MGAT3: variants seen among roughly 807,000 people sequenced by gnomAD.
The protein encoded by MGAT3 is beta-1,4-mannosyl-glycoprotein 4-beta-N-acetylglucosaminyltransferase.
MGAT3 carries 9 observed loss-of-function variants against 29.8 expected under a neutral mutation model. The ratio of observed to expected loss-of-function variants is 0.30; its 90% CI spans 0.18 to 0.53. The LOEUF (loss-of-function observed/expected upper bound fraction) is 0.53, where lower values mean the gene tolerates loss of function less well. Ranked by LOEUF, MGAT3 falls within the 20% of genes least tolerant of loss-of-function variation. MGAT3 has a pLI of 0.96. For synonymous variants in MGAT3, 397 were observed against 348.9 expected (o/e 1.14, Z -1.54); for missense variants, 557 against 769.5 (o/e 0.72, Z 3.27).
Position 39,487,177 on chromosome 22 carries a change from C to A in MGAT3, c.-1-170C>A, listed in dbSNP as rs934591059. 3 of 219,962 alleles carry A rather than the reference C, an allele frequency of 1.4e-5. No homozygotes were observed. Among genetic ancestry groups the A allele is most frequent in the South Asian group, 1.6e-4 (1 of 6,194 alleles). The allele number at this position is 219,962 out of a possible 1,614,324, so 13.6% of individuals were successfully genotyped here. On this transcript the variant is annotated intron_variant, in intron 1 of 1. Coordinates refer to ENST00000341184, the MANE Select transcript of MGAT3 (RefSeq NM_002409.5). The surrounding 1 kb of genome is among the most constrained non-coding windows in gnomAD (Gnocchi z 5.7). ...CCTCAGTGCTGGGGCTTTCAGGGGC[C>A]TTGGTACCGCGAGTTGACTCTTGGG...
intron 1 of MGAT3, among the ~76,000 whole-genome samples, chr22:39,469,109 T>G (rs1305003791): frequency 1.2e-5 from 1 of 82,898 alleles, no homozygotes; most frequent in Non-Finnish European, 2.3e-5. Flanking sequence ...CTGACTGCCT[T>G]GGTGGTGTGG....
At position 39,487,164 on chromosome 22, in the gene MGAT3, G is replaced by A. The variant is rs1655974692; in HGVS notation, c.-1-183G>A. Reference sequence around the variant, plus strand: ...AGCACGGCGGTGTCCTCAGTGCTGGGGCTTTCAGGGGCCTTGGTACCGCGA... The same window carrying A: ...AGCACGGCGGTGTCCTCAGTGCTGGAGCTTTCAGGGGCCTTGGTACCGCGA... On this transcript the variant is annotated intron_variant, in intron 1 of 1. Transcript: ENST00000341184. The surrounding 1 kb of genome is among the most constrained non-coding windows in gnomAD (Gnocchi z 5.7). 1 of 187,146 alleles carries A rather than the reference G, an allele frequency of 5.3e-6. No individual in the cohort carries two copies. The highest frequency in any genetic ancestry group is 2.4e-5 in the African/African-American group (1 of 41,964). 11.6% of individuals were successfully genotyped at this position (187,146 alleles called of 1,614,324 possible). A position where few individuals can be genotyped will look rare whatever the true frequency, so the allele number is the denominator to read the frequency against.
At chr22:39,471,739 A>C (rs1016750511) in intron 1 of MGAT3, among the ~76,000 whole-genome samples, 20 of 152,208 alleles carry the variant, frequency 1.3e-4, no homozygotes, top group Middle Eastern at 3.4e-3. Flanking sequence ...AATCTGACAC[A>C]CAGAGACACG....
chr22:39,485,600 A>G (rs1929249503), intron 1 of MGAT3, among the ~76,000 whole-genome samples: 1 of 152,142 alleles, frequency 6.6e-6, no homozygotes, highest in East Asian at 1.9e-4. Context: ...AGACCTGCCT[A>G]GCCAACATGG....
chr22:39,491,547 TAGG>T lies in MGAT3; in HGVS notation c.*2601_*2603del. ...CAGCTCAGGGCTAAGCGAAGGAAGA[TAGG>T]AGCAGCTCAGAGCTGCCAGGCTCTG... On this transcript the variant is annotated 3_prime_UTR_variant, in exon 2 of 2. Transcript: ENST00000341184. This position sits in a 1 kb window ranked among gnomAD's most constrained non-coding sequence, Gnocchi z 5.5. 1 of 166,332 alleles carries T rather than the reference TAGG, an allele frequency of 6.0e-6. No individual in the cohort carries two copies. 10.3% of individuals were successfully genotyped at this position (166,332 alleles called of 1,614,324 possible). A position where few individuals can be genotyped will look rare whatever the true frequency, so the allele number is the denominator to read the frequency against.
At chr22:39,481,881 G>C (rs868088687) in intron 1 of MGAT3, among the ~76,000 whole-genome samples, 1 of 152,190 alleles carries the variant, frequency 6.6e-6, no homozygotes, top group Admixed American at 6.5e-5. Context: ...TGTGTAACAA[G>C]CTTAGGACAG....
rs1396542295 is a variant in MGAT3 at position 39,490,130 on chromosome 22, GA to G, written c.*1182del. 1 of 167,166 alleles carries G rather than the reference GA, an allele frequency of 6.0e-6. No homozygotes were observed. The highest frequency in any genetic ancestry group is 1.5e-5 in the Non-Finnish European group (1 of 68,140). 10.4% of individuals were successfully genotyped at this position (167,166 alleles called of 1,614,324 possible). A position where few individuals can be genotyped will look rare whatever the true frequency, so the allele number is the denominator to read the frequency against. On this transcript the variant is annotated 3_prime_UTR_variant, in exon 2 of 2. Transcript: ENST00000341184. ...CTTGTTTCTAATTAGTCTAGATTGA[GA>G]TGGCCCAGAGCTGGTAGGGCAGCTC... is the stretch of plus-strand genomic sequence containing the variant.
In MGAT3 at chr22:39,457,709, G is replaced by C. The variant is rs1163288389; in HGVS notation, c.-2+152G>C. ...GGCGGGCGCGGGCGCACTGGGGCTG[G>C]GGGCCCGGAGGCCGCGGTGGGGGCG... On this transcript the variant is annotated intron_variant, in intron 1 of 1. Transcript: ENST00000341184. This position sits in a 1 kb window ranked among gnomAD's most constrained non-coding sequence, Gnocchi z 6.8. Among the ~76,000 whole-genome samples, 4 of 150,488 alleles carry C rather than the reference G, an allele frequency of 2.7e-5. No individual in the cohort carries two copies. Among genetic ancestry groups the C allele is most frequent in the Non-Finnish European group, 5.9e-5 (4 of 67,346 alleles).
Position 39,487,602 on chromosome 22 carries a change from G to A in MGAT3, c.255G>A (p.Pro85=). 6.2e-7 allele frequency: 1 copy of A among 1,611,224 alleles called. No individual in the cohort carries two copies. The highest frequency in any genetic ancestry group is 8.5e-7 in the Non-Finnish European group (1 of 1,179,228). ...ACTCGCCCCTGCTGCAGCCGCTGCC[G>A]CCCAGCAAGGCGGCCGAGGAGCTCC... ...YSHSPLLQPL[P]PSKAAEELHR... Residue 85 remains proline, a synonymous_variant, in exon 2 of 2, where the codon CCG becomes CCA. Transcript: ENST00000341184. This position sits in a 1 kb window ranked among gnomAD's most constrained non-coding sequence, Gnocchi z 5.7.
At chr22:39,478,122 A>T (rs1323597199) in intron 1 of MGAT3, among the ~76,000 whole-genome samples, 2 of 152,228 alleles carry the variant, frequency 1.3e-5, no homozygotes, top group East Asian at 3.8e-4. Context: ...GGCCGGGTGG[A>T]AGGTGAGCAC....
chr22:39,480,340 C>A (rs113935793), intron 1 of MGAT3, among the ~76,000 whole-genome samples: 36 of 152,330 alleles, frequency 2.4e-4, no homozygotes, highest in African/African-American at 8.7e-4. Flanking sequence ...AGAGGGCGCC[C>A]AGCCCAGGGA....
rs1013157300 is a variant in MGAT3 at position 39,491,884 on chromosome 22, A to C, written c.*2935A>C. 7.8e-5 allele frequency: 13 copies of C among 167,060 alleles called. No individual in the cohort carries two copies. Among genetic ancestry groups the C allele is most frequent in the African/African-American group, 3.1e-4 (13 of 41,524 alleles). The allele number at this position is 167,060 out of a possible 1,614,324, so 10.3% of individuals were successfully genotyped here. On this transcript the variant is annotated 3_prime_UTR_variant, in exon 2 of 2. Transcript: ENST00000341184. The surrounding 1 kb of genome is among the most constrained non-coding windows in gnomAD (Gnocchi z 5.5). ...GACCCAAGGAGGCCTGTCCATGCCA[A>C]GCATCCGGGAAGCATGGCTGGCCTT...
At chr22:39,466,276 C>T (rs559195227) in intron 1 of MGAT3, among the ~76,000 whole-genome samples, 7 of 152,286 alleles carry the variant, frequency 4.6e-5, no homozygotes, top group East Asian at 1.9e-4. Flanking sequence ...GGGCAGTGAC[C>T]GGCTGTGGGG....
intron 1 of MGAT3, among the ~76,000 whole-genome samples, chr22:39,464,842 C>T (rs1330978886): frequency 6.6e-6 from 1 of 151,988 alleles, no homozygotes; most frequent in Non-Finnish European, 1.5e-5. Flanking sequence ...GCTCTGCCTC[C>T]CAGGTTCACG....
Position 39,487,784 on chromosome 22 carries a change from G to T in MGAT3, c.437G>T (p.Arg146Leu), listed in dbSNP as rs544051973. The T allele has an allele frequency of 4.0e-6, 6 of 1,491,760 alleles. No individual in the cohort carries two copies. In the South Asian group the frequency reaches 6.8e-5, roughly 17 times the overall value. The allele number at this position is 1,491,760 out of a possible 1,614,324, so 92.4% of individuals were successfully genotyped here. A position where few individuals can be genotyped will look rare whatever the true frequency, so the allele number is the denominator to read the frequency against. The change falls in exon 2 of 2, where the codon CGG becomes CTG. Residue 146 changes from arginine (R) to leucine (L), a missense_variant. Arg to Leu is a moderately radical substitution (Grantham distance 102, BLOSUM62 -2). This residue lies in a region of MGAT3 where 212 missense variants were observed against 228.5 expected (regional missense o/e 0.93). Coordinates refer to ENST00000341184, the MANE Select transcript of MGAT3 (RefSeq NM_002409.5). This position sits in a 1 kb window ranked among gnomAD's most constrained non-coding sequence, Gnocchi z 5.7. ...GAGGGGGCCAACGGCTCCTCGGCCC[G>T]GCGGCCACCCCGGTACCTCCTGAGC... ...KPEGANGSSARRPPRYLLSAR... is the reference protein window; with the variant it reads ...KPEGANGSSALRPPRYLLSAR...
At chr22:39,478,865 G>T (rs945582351) in intron 1 of MGAT3, among the ~76,000 whole-genome samples, 2 of 152,346 alleles carry the variant, frequency 1.3e-5, no homozygotes, top group Admixed American at 1.3e-4. Context: ...AGCAGAGCTA[G>T]AGAAAAATGG....
At chr22:39,479,423 G>T (rs931312396) in intron 1 of MGAT3, among the ~76,000 whole-genome samples, 3 of 152,124 alleles carry the variant, frequency 2.0e-5, no homozygotes, top group Non-Finnish European at 4.4e-5. Context: ...TGGGGGTGGA[G>T]CCTCAAGCCC....
chr22:39,462,403 A>G (rs1272253423), intron 1 of MGAT3, among the ~76,000 whole-genome samples: 2 of 152,190 alleles, frequency 1.3e-5, no homozygotes, highest in Non-Finnish European at 2.9e-5. Context: ...GAATGGATGA[A>G]TGAATGAAAG....
rs1254836413 is a variant in MGAT3 at position 39,489,269 on chromosome 22, T to C, written c.*320T>C. Reference sequence around the variant, plus strand: ...GGGTAGCGGGGGAGGGTAGGCAGGATTGGGGAAGAGAGCCTGCAGGATCTC... The same window carrying C: ...GGGTAGCGGGGGAGGGTAGGCAGGACTGGGGAAGAGAGCCTGCAGGATCTC... On this transcript the variant is annotated 3_prime_UTR_variant, in exon 2 of 2. Transcript: ENST00000341184. 1.8e-5 allele frequency: 7 copies of C among 386,462 alleles called. No homozygotes were observed. Among genetic ancestry groups the C allele is most frequent in the Admixed American group, 1.3e-4 (3 of 23,066 alleles). 23.9% of individuals were successfully genotyped at this position (386,462 alleles called of 1,614,324 possible). A position where few individuals can be genotyped will look rare whatever the true frequency, so the allele number is the denominator to read the frequency against.
Sources: allele counts gnomAD v4.1 joint callset (sites outside exome capture counted in the v4.1 genomes callset), GRCh38; gene constraint gnomAD v4.1.1; regional missense constraint gnomAD v4.1.1; non-coding constraint Gnocchi (gnomAD v3.1); transcripts MANE v1.5; gene names NCBI Gene and HGNC (gene_info 2026-07-23, HGNC 2026-07-21).